Variants in MYO10 observed in about 807,000 individuals in gnomAD.
MYO10 encodes the protein myosin X.
Under a neutral mutation model 257.3 loss-of-function variants are expected in MYO10, and 133 were observed. That is an observed-to-expected ratio of 0.52 (90% CI 0.45 to 0.60). The LOEUF (loss-of-function observed/expected upper bound fraction) is 0.60. Among genes scored for constraint, MYO10 ranks in the 20% least tolerant of loss-of-function variants. The pLI is 0.00. For synonymous variants in MYO10, 1,104 were observed against 1,028.6 expected (o/e 1.07, Z -1.40); for missense variants, 2,399 against 2,635.7 (o/e 0.91, Z 1.97).
At chr5:16,789,036 T>C (rs1010023264) in intron 4 of MYO10, among the ~76,000 whole-genome samples, 1 of 152,118 alleles carries the variant, frequency 6.6e-6, no homozygotes, top group African/African-American at 2.4e-5. Context: ...AGCAGGGCCT[T>C]TGGTGCACAG....
rs1004101730 is a variant in MYO10, at chr5:16,710,780, G to A, written c.2169+128C>T. 1.8e-5 allele frequency: 14 copies of A among 758,088 alleles called. No homozygotes were observed. In the African/African-American group the frequency reaches 2.4e-4, roughly 13 times the overall value. 47.0% of individuals were successfully genotyped at this position (758,088 alleles called of 1,614,324 possible). On this transcript the variant is annotated intron_variant, in intron 21 of 40. Coordinates refer to ENST00000513610, the MANE Select transcript of MYO10 (RefSeq NM_012334.3). ...GAGACAAAAGGTTATGGTAGGCATGGCAACAGGAGTATCTTCCCAATGTGA... is the reference window on the plus strand; with the variant it reads ...GAGACAAAAGGTTATGGTAGGCATGACAACAGGAGTATCTTCCCAATGTGA...
At chr5:16,909,658 A>G (rs745742983) in intron 1 of MYO10, among the ~76,000 whole-genome samples, 1 of 152,020 alleles carries the variant, frequency 6.6e-6, no homozygotes, top group Non-Finnish European at 1.5e-5. Context: ...ACAATTCAAG[A>G]TGAGATTTGG....
chr5:16,900,744 G>GTTGGTTTTTT (rs1554007452), intron 1 of MYO10, among the ~76,000 whole-genome samples: 1 of 132,752 alleles, frequency 7.5e-6, no homozygotes, highest in African/African-American at 2.9e-5. Flanking sequence ...CCTAAATCTT[G>GTTGGTTTTTT]TTTTTTTTTT....
chr5:16,691,044 C>A (rs1052272757), intron 27 of MYO10, among the ~76,000 whole-genome samples: 1 of 151,484 alleles, frequency 6.6e-6, no homozygotes. Flanking sequence ...CTGAGGCGGG[C>A]GGATCATGAG....
chr5:16,853,648 A>G (rs76616076), intron 2 of MYO10, among the ~76,000 whole-genome samples: 1,846 of 152,226 alleles, frequency 0.012, 33 homozygotes, highest in Middle Eastern at 0.034. Flanking sequence ...GAGGCCAGCT[A>G]TTTATTGTCA....
chr5:16,730,294 G>A (rs1211878782), intron 19 of MYO10, among the ~76,000 whole-genome samples: 1 of 152,072 alleles, frequency 6.6e-6, no homozygotes, highest in Non-Finnish European at 1.5e-5. Context: ...GTCATTATTG[G>A]CAGAATTACT....
intron 33 of MYO10, among the ~76,000 whole-genome samples, chr5:16,677,438 C>T (rs1251560312): frequency 1.8e-4 from 11 of 60,044 alleles, no homozygotes; most frequent in Admixed American, 6.7e-4. Context: ...TTTTTTGAGA[C>T]GGAGTCTTGC....
chr5:16,796,216 A>AGAGAGT (rs1560989452), intron 3 of MYO10, among the ~76,000 whole-genome samples: 2 of 119,876 alleles, frequency 1.7e-5, no homozygotes, highest in African/African-American at 6.1e-5. Context: ...AAGAACAGAG[A>AGAGAGT]GAGAGCGAGA....
At chr5:16,905,562 A>G (rs1034239820) in intron 1 of MYO10, among the ~76,000 whole-genome samples, 1 of 152,178 alleles carries the variant, frequency 6.6e-6, no homozygotes, top group African/African-American at 2.4e-5. Context: ...AGCCAGGGCA[A>G]TGAGTCCATC....
chr5:16,698,097 A>G (rs1579849149), intron 26 of MYO10, among the ~76,000 whole-genome samples: 1 of 152,194 alleles, frequency 6.6e-6, no homozygotes. Context: ...CTGGCTAGGC[A>G]TGGTGGCTCA....
rs570338992 is a variant in MYO10 at position 16,775,580 on chromosome 5, C to G, written c.930+3965G>C. ...CTAGGACTACAGGTACACCACAATG[C>G]CTGGCCAATTTTGTTTGTTTGTTTG... On this transcript the variant is annotated intron_variant, in intron 9 of 40. Transcript: ENST00000513610. 3.3e-5 allele frequency among the ~76,000 whole-genome samples: 5 copies of G among 150,740 alleles called. No individual in the cohort carries two copies. In the South Asian group the frequency reaches 1.1e-3, roughly 32 times the overall value.
At chr5:16,743,568 G>A (rs1740086322) in intron 19 of MYO10, among the ~76,000 whole-genome samples, 1 of 151,904 alleles carries the variant, frequency 6.6e-6, no homozygotes, top group African/African-American at 2.4e-5. Flanking sequence ...GCTTGAACTC[G>A]GGAGGCAGTG....
At chr5:16,796,487 G>GAAAGAAAGA in intron 3 of MYO10, among the ~76,000 whole-genome samples, 1 of 148,670 alleles carries the variant, frequency 6.7e-6, no homozygotes, top group Non-Finnish European at 1.5e-5. Flanking sequence ...AGAAAAGAAA[G>GAAAGAAAGA]AAAGAAAGAA....
intron 1 of MYO10, among the ~76,000 whole-genome samples, chr5:16,901,698 G>A (rs948731416): frequency 3.3e-5 from 5 of 152,162 alleles, no homozygotes; most frequent in East Asian, 1.9e-4. Context: ...ACTGACACCC[G>A]CCATCTTTTA....
At chr5:16,676,837 C>G (rs555123923) in intron 33 of MYO10, among the ~76,000 whole-genome samples, 3 of 152,098 alleles carry the variant, frequency 2.0e-5, no homozygotes, top group Non-Finnish European at 4.4e-5. Flanking sequence ...GGCCCTGTCT[C>G]TATAAAAAAT....
Position 16,701,956 on chromosome 5 carries a change from G to T in MYO10, c.2557-118C>A, listed in dbSNP as rs2126553494. ...ATGAGTTGGACTGTGTCCCCATAAA[G>T]TCTATAGGTTGAAGTCCTAACCCCA... On this transcript the variant is annotated intron_variant, in intron 24 of 40. Transcript: ENST00000513610. This position sits in a 1 kb window ranked among gnomAD's most constrained non-coding sequence, Gnocchi z 8.1. The T allele has an allele frequency of 4.9e-6, 6 of 1,229,434 alleles. No individual in the cohort carries two copies. The highest frequency in any genetic ancestry group is 5.5e-6 in the Non-Finnish European group (5 of 904,040). 76.2% of individuals were successfully genotyped at this position (1,229,434 alleles called of 1,614,324 possible). A position where few individuals can be genotyped will look rare whatever the true frequency, so the allele number is the denominator to read the frequency against.
chr5:16,808,422 A>G (rs909506420), intron 3 of MYO10, among the ~76,000 whole-genome samples: 3 of 152,190 alleles, frequency 2.0e-5, no homozygotes, highest in South Asian at 2.1e-4. Flanking sequence ...GTGGTGAGCT[A>G]TGATCGCACC....
At chr5:16,819,309 TTGC>T (rs1742731949) in intron 2 of MYO10, among the ~76,000 whole-genome samples, 2 of 152,220 alleles carry the variant, frequency 1.3e-5, no homozygotes, top group African/African-American at 4.8e-5. Context: ...TACCGTCAGA[TTGC>T]TGAATTTGCA....
intron 1 of MYO10, among the ~76,000 whole-genome samples, chr5:16,925,918 A>T (rs1455090517): frequency 6.6e-6 from 1 of 152,198 alleles, no homozygotes; most frequent in African/African-American, 2.4e-5. Flanking sequence ...CTAATAAAAA[A>T]TCCAAACTCC....
Sources: allele counts gnomAD v4.1 joint callset (sites outside exome capture counted in the v4.1 genomes callset), GRCh38; gene constraint gnomAD v4.1.1; non-coding constraint Gnocchi (gnomAD v3.1); transcripts MANE v1.5; gene names NCBI Gene and HGNC (gene_info 2026-07-23, HGNC 2026-07-21).